Variants in LYPD6 observed in about 807,000 individuals in gnomAD.
The protein encoded by LYPD6 is LY6/PLAUR domain containing 6.
In LYPD6, 15 loss-of-function variants were observed where a neutral mutation model predicts 22.7. The observed-to-expected ratio is 0.66, with a 90% CI of 0.44 to 1.02. LYPD6 has a LOEUF of 1.02. Ranked by LOEUF, LYPD6 falls within the 50% of genes least tolerant of loss-of-function variation. The pLI, the probability that LYPD6 is intolerant of heterozygous loss-of-function variation, is 0.00. For missense variants in LYPD6, 189 were observed against 208.4 expected, an observed-to-expected ratio of 0.91 and a Z score of 0.57; for synonymous variants, 72 against 77.5, an observed-to-expected ratio of 0.93 and a Z score of 0.37.
intron 1 of LYPD6, among the ~76,000 whole-genome samples, chr2:149,383,037 G>C (rs907508356): frequency 2.0e-5 from 3 of 151,690 alleles, no homozygotes; most frequent in African/African-American, 7.3e-5. Flanking sequence ...ATTTCAATAG[G>C]GTATTTTTAT....
chr2:149,363,719 A>T (rs1162214122), intron 1 of LYPD6, among the ~76,000 whole-genome samples: 3 of 152,232 alleles, frequency 2.0e-5, no homozygotes, highest in East Asian at 1.9e-4. Flanking sequence ...GATAAATCAC[A>T]TGGGAAAGTG....
At chr2:149,358,542 G>A (rs920082763) in intron 1 of LYPD6, among the ~76,000 whole-genome samples, 1 of 152,164 alleles carries the variant, frequency 6.6e-6, no homozygotes, top group African/African-American at 2.4e-5. Context: ...AAGCGGCATG[G>A]GCAATTGGGG....
chr2:149,397,109 G>A (rs940286623), intron 1 of LYPD6, among the ~76,000 whole-genome samples: 4 of 152,038 alleles, frequency 2.6e-5, no homozygotes, highest in East Asian at 1.9e-4. Flanking sequence ...CATCGGTGTC[G>A]AACCTGTGGA....
intron 1 of LYPD6, among the ~76,000 whole-genome samples, chr2:149,390,122 TTCGTATTTTGGA>T (rs892254373): frequency 2.0e-5 from 3 of 152,248 alleles, no homozygotes; most frequent in Non-Finnish European, 2.9e-5. Flanking sequence ...AGGTAGTTCA[TTCGTATTTTGGA>T]TCTTGATTAA....
chr2:149,395,524 A>T (rs968885991), intron 1 of LYPD6, among the ~76,000 whole-genome samples: 1 of 152,166 alleles, frequency 6.6e-6, no homozygotes, highest in African/African-American at 2.4e-5. Flanking sequence ...AAAAAGCCCT[A>T]AACTTTTCCA....
chr2:149,410,437 G>T (rs1016655658), intron 1 of LYPD6, among the ~76,000 whole-genome samples: 6 of 152,150 alleles, frequency 3.9e-5, no homozygotes, highest in African/African-American at 7.2e-5. Context: ...CCAAGTCGGA[G>T]TTAGAAATGG....
chr2:149,408,754 G>T (rs960956663), intron 1 of LYPD6, among the ~76,000 whole-genome samples: 2 of 152,120 alleles, frequency 1.3e-5, no homozygotes, highest in Admixed American at 6.5e-5. Flanking sequence ...ATTTACAGAA[G>T]GTGTGATTGT....
intron 1 of LYPD6, among the ~76,000 whole-genome samples, chr2:149,331,545 C>T (rs1026307198): frequency 1.3e-5 from 2 of 152,090 alleles, no homozygotes; most frequent in African/African-American, 4.8e-5. Context: ...AGCATGATTG[C>T]CTTCGGTGTG....
At chr2:149,334,298 C>G (rs2105042295) in intron 1 of LYPD6, among the ~76,000 whole-genome samples, 1 of 152,176 alleles carries the variant, frequency 6.6e-6, no homozygotes, top group Non-Finnish European at 1.5e-5. Context: ...TAATGAAAGT[C>G]CCTTAAATAC....
intron 3 of LYPD6, among the ~76,000 whole-genome samples, chr2:149,450,438 A>G (rs2105163694): frequency 6.6e-6 from 1 of 152,324 alleles, no homozygotes; most frequent in Middle Eastern, 3.4e-3. Context: ...AGTCAGGGGT[A>G]AGAACCACAG....
chr2:149,420,496 G>A (rs1465065570), intron 1 of LYPD6, among the ~76,000 whole-genome samples: 1 of 152,124 alleles, frequency 6.6e-6, no homozygotes, highest in Non-Finnish European at 1.5e-5. Context: ...CATAAAAATC[G>A]AGTGTGCTTG....
chr2:149,372,523 C>T (rs191632035), intron 1 of LYPD6, among the ~76,000 whole-genome samples: 1 of 152,294 alleles, frequency 6.6e-6, no homozygotes, highest in Admixed American at 6.5e-5. Context: ...GCATTTCATT[C>T]TCACTTTTAA....
chr2:149,349,383 A>G (rs1681319033), intron 1 of LYPD6, among the ~76,000 whole-genome samples: 1 of 152,188 alleles, frequency 6.6e-6, no homozygotes, highest in Non-Finnish European at 1.5e-5. Context: ...AGCAACTTTC[A>G]TGAAAAGTGT....
At chr2:149,404,046 T>C (rs1332168459) in intron 1 of LYPD6, among the ~76,000 whole-genome samples, 5 of 152,206 alleles carry the variant, frequency 3.3e-5, no homozygotes, top group Non-Finnish European at 7.3e-5. Flanking sequence ...TAGTTGTAGA[T>C]ATGCGCCATT....
At chr2:149,405,402 C>A (rs1464549163) in intron 1 of LYPD6, among the ~76,000 whole-genome samples, 1 of 152,190 alleles carries the variant, frequency 6.6e-6, no homozygotes, top group African/African-American at 2.4e-5. Flanking sequence ...ATTATTGCCA[C>A]AATTTCAGAG....
chr2:149,417,289 T>C (rs1682985666), intron 1 of LYPD6, among the ~76,000 whole-genome samples: 1 of 152,246 alleles, frequency 6.6e-6, no homozygotes, highest in South Asian at 2.1e-4. Flanking sequence ...CCATAAGCTC[T>C]ATACTGCCTT....
chr2:149,443,939 T>TTG (rs1176390017), intron 2 of LYPD6, among the ~76,000 whole-genome samples: 1 of 149,948 alleles, frequency 6.7e-6, no homozygotes, highest in Non-Finnish European at 1.5e-5. Context: ...TCTTTTTTTT[T>TTG]TTTTTTTTTT....
chr2:149,333,325 CT>C (rs1344204327), intron 1 of LYPD6, among the ~76,000 whole-genome samples: 1 of 152,172 alleles, frequency 6.6e-6, no homozygotes, highest in Admixed American at 6.5e-5. Flanking sequence ...ATCTGCAAAT[CT>C]TTTCTTGGAA....
intron 1 of LYPD6, among the ~76,000 whole-genome samples, chr2:149,359,799 T>C (rs1363486036): frequency 6.6e-6 from 1 of 152,200 alleles, no homozygotes; most frequent in African/African-American, 2.4e-5. Context: ...ATCCCTCTAT[T>C]ACTAGAAAGG....
Sources: gnomAD v4.1 joint callset for allele counts (sites outside exome capture counted in the v4.1 genomes callset) on GRCh38, gnomAD v4.1.1 for gene constraint, MANE v1.5 for transcripts, NCBI Gene and HGNC (gene_info 2026-07-23, HGNC 2026-07-21) for gene names.